The following GPATCH1 variants were observed in gnomAD, a reference collection of about 807,000 sequenced individuals.
GPATCH1 encodes the protein G-patch domain containing 1.
A neutral mutation model predicts 114.9 loss-of-function variants in GPATCH1; 73 were observed. The ratio of observed to expected loss-of-function variants is 0.64; its 90% CI spans 0.53 to 0.77. The LOEUF (loss-of-function observed/expected upper bound fraction) is 0.77. Among genes scored for constraint, GPATCH1 ranks in the 30% least tolerant of loss-of-function variants. The pLI, the probability that GPATCH1 is intolerant of heterozygous loss-of-function variation, is 0.00. For synonymous variants in GPATCH1, 391 were observed against 428.4 expected, an observed-to-expected ratio of 0.91 and a Z score of 1.08; for missense variants, 1,058 against 1,144.3, an observed-to-expected ratio of 0.92 and a Z score of 1.09.
chr19:33,119,825 C>T (rs2145336309), intron 17 of GPATCH1, among the ~76,000 whole-genome samples: 1 of 150,462 alleles, frequency 6.6e-6, no homozygotes, highest in Non-Finnish European at 1.5e-5. Context: ...TTTGAGACCA[C>T]CCTGGTGAAT....
In GPATCH1 at chr19:33,096,429, T is replaced by C. The variant is rs543161053; in HGVS notation, c.835T>C (p.Leu279=). The C allele has an allele frequency of 3.4e-5, 55 of 1,610,824 alleles. 1 individual carries two copies. The highest frequency in any genetic ancestry group is 3.1e-4 in the South Asian group (28 of 90,062). ...GEIGLNKGRK[L]GISGQAFGVG... ...AATTGGACTGAATAAAGGAAGAAAA[T>C]TGGGAATTTCAGGCCAGGTAAAATT... The change falls in exon 7 of 20, where the codon TTG becomes CTG. Residue 279 remains leucine (L), a synonymous_variant. Transcript: ENST00000170564.
intron 5 of GPATCH1, 142 bp from the exon 6 acceptor site, chr19:33,095,620 T>TCAAG: frequency 1.5e-6 from 1 of 672,516 alleles, no homozygotes; most frequent in Non-Finnish European, 2.7e-6. Context: ...CAGGCTGGTC[T>TCAAG]TGAACTCCTG....
At chr19:33,106,232 A>G (rs1238165423) in intron 9 of GPATCH1, among the ~76,000 whole-genome samples, 2 of 151,726 alleles carry the variant, frequency 1.3e-5, no homozygotes, top group South Asian at 2.1e-4. Context: ...ATGAACTCCC[A>G]GGCTCAAGCA....
Position 33,126,692 on chromosome 19 carries a change from C to T in GPATCH1, c.2724C>T (p.Asp908=), listed in dbSNP as rs138257578. The T allele has an allele frequency of 1.2e-4, 201 of 1,613,830 alleles. 2 individuals carry two copies. The highest frequency in any genetic ancestry group is 1.0e-3 in the East Asian group (45 of 44,884). Residue 908 remains aspartate, a synonymous_variant, in exon 19 of 20, where the codon GAC becomes GAT. Coordinates refer to ENST00000170564, the MANE Select transcript of GPATCH1 (RefSeq NM_018025.3). ...ESSDSSDSQS[D]EETADVSPQE... ...CCGACAGCAGCGACAGCCAGAGTGA[C>T]GAGGAAACCGCAGACGTGTCGCCCC... is the stretch of plus-strand genomic sequence containing the variant.
At chr19:33,097,616 G>A (rs1599855032) in intron 7 of GPATCH1, 139 bp from the exon 8 acceptor site, 1 of 746,612 alleles carries the variant, frequency 1.3e-6, no homozygotes, top group South Asian at 1.7e-5. Flanking sequence ...GGTCGATCTG[G>A]GACCCCCGTT....
At chr19:33,099,389 C>T (rs1270278613) in intron 8 of GPATCH1, among the ~76,000 whole-genome samples, 2 of 151,822 alleles carry the variant, frequency 1.3e-5, no homozygotes, top group Non-Finnish European at 2.9e-5. Context: ...ACTTTTCCCT[C>T]GTGCACCAGC....
rs35388450 is a variant in GPATCH1 at position 33,122,326 on chromosome 19, CTT to C, written c.2522-2764_2522-2763del. ...GCCTGGTTGTTCGGCCCTTTAGTTT[CTT>C]TTTTTTTTTTTTTTGAGACGGAGTC... On this transcript the variant is annotated intron_variant, in intron 17 of 19. Coordinates refer to ENST00000170564, the MANE Select transcript of GPATCH1 (RefSeq NM_018025.3). 6.4e-3 allele frequency among the ~76,000 whole-genome samples: 744 copies of C among 116,090 alleles called. 8 individuals carry two copies. The highest frequency in any genetic ancestry group is 0.022 in the African/African-American group (658 of 29,988). 76.2% of individuals were successfully genotyped at this position (116,090 alleles called of 152,430 possible). A position where few individuals can be genotyped will look rare whatever the true frequency, so the allele number is the denominator to read the frequency against.
intron 8 of GPATCH1, among the ~76,000 whole-genome samples, chr19:33,101,246 G>A (rs1277805443): frequency 2.0e-5 from 3 of 152,154 alleles, no homozygotes; most frequent in African/African-American, 7.2e-5. Flanking sequence ...TGTCTTGGAG[G>A]ACCACAGCCT....
chr19:33,094,374 G>A, intron 5 of GPATCH1, 105 bp downstream of exon 5: 2 of 665,316 alleles, frequency 3.0e-6, no homozygotes, highest in South Asian at 1.7e-5. Context: ...GCAGTGGTGC[G>A]ATCCCGGCAT....
intron 19 of GPATCH1, among the ~76,000 whole-genome samples, chr19:33,129,253 A>G (rs1973077070): frequency 6.6e-6 from 1 of 151,922 alleles, no homozygotes; most frequent in Non-Finnish European, 1.5e-5. Flanking sequence ...AAAAAAAAAA[A>G]AAGAAAAGAA....
chr19:33,088,183 T>C lies in GPATCH1; in HGVS notation c.123T>C (p.Asp41=). The C allele has an allele frequency of 6.3e-7, 1 of 1,598,864 alleles. No individual in the cohort carries two copies. The highest frequency in any genetic ancestry group is 8.5e-7 in the Non-Finnish European group (1 of 1,169,782). Residue 41 remains aspartate (D), a synonymous_variant, in exon 2 of 20, where the codon GAT becomes GAC. Coordinates refer to ENST00000170564, the MANE Select transcript of GPATCH1 (RefSeq NM_018025.3). ...PIPLQDQTVR[D]EKGRYKRFHG... is the part of the protein sequence containing the mutation. ...CTCTTCAGGATCAGACTGTCAGAGA[T>C]GAAAAAGGAAGGTATAAACGATTCC...
intron 9 of GPATCH1, among the ~76,000 whole-genome samples, chr19:33,104,033 A>C (rs1972755466): frequency 6.6e-6 from 1 of 152,086 alleles, no homozygotes; most frequent in Non-Finnish European, 1.5e-5. Context: ...ACAGAGAGAA[A>C]TACTTTCAAT....
At chr19:33,109,243 G>A (rs141562049) in intron 10 of GPATCH1, among the ~76,000 whole-genome samples, 120 of 151,796 alleles carry the variant, frequency 7.9e-4, no homozygotes, top group African/African-American at 2.5e-3. Context: ...TTGGCCAGGC[G>A]TGGTGGCTCA....
intron 17 of GPATCH1, among the ~76,000 whole-genome samples, chr19:33,122,986 T>C (rs1408664114): frequency 6.6e-6 from 1 of 151,688 alleles, no homozygotes; most frequent in African/African-American, 2.4e-5. Flanking sequence ...GTGGGAGGAT[T>C]GCTTGAGCTC....
At chr19:33,125,267 T>C in intron 18 of GPATCH1, 65 bp downstream of exon 18, 1 of 1,524,072 alleles carries the variant, frequency 6.6e-7, no homozygotes, top group Non-Finnish European at 8.8e-7. Flanking sequence ...CCCCCAGGAG[T>C]GTCATATACT....
Position 33,126,646 on chromosome 19 carries a change from A to T in GPATCH1, c.2678A>T (p.Lys893Ile). ...KGKQKNKKPEKSSSSESSDSS... is the reference protein window; with the variant it reads ...KGKQKNKKPEISSSSESSDSS... ...AAGCAAAAGAATAAAAAACCAGAGA[A>T]AAGTAGTAGCTCCGAGAGTTCCGAC... Residue 893 changes from lysine (K) to isoleucine (I), a missense_variant, in exon 19 of 20, where the codon AAA (lysine) becomes ATA (isoleucine). Physicochemically the swap from Lys to Ile is moderately radical, Grantham distance 102. Transcript: ENST00000170564. The T allele has an allele frequency of 5.0e-6, 8 of 1,614,078 alleles. No homozygotes were observed. Among genetic ancestry groups the T allele is most frequent in the Non-Finnish European group, 6.8e-6 (8 of 1,179,992 alleles).
chr19:33,096,540 T>C (rs1328529750), intron 7 of GPATCH1, 94 bp downstream of exon 7: 15 of 1,046,824 alleles, frequency 1.4e-5, no homozygotes, highest in Non-Finnish European at 2.0e-5. Context: ...ATTTTCTTTT[T>C]TTTTCCCCCT....
At chr19:33,124,006 A>G (rs1973013540) in intron 17 of GPATCH1, among the ~76,000 whole-genome samples, 1 of 151,970 alleles carries the variant, frequency 6.6e-6, no homozygotes, top group African/African-American at 2.4e-5. Context: ...GATGCATGCC[A>G]CCACGCCCAT....
At chr19:33,087,007 C>T (rs752657611) in intron 1 of GPATCH1, among the ~76,000 whole-genome samples, 5 of 152,058 alleles carry the variant, frequency 3.3e-5, no homozygotes, top group African/African-American at 4.8e-5. Flanking sequence ...TTGTGTCTCC[C>T]TCTTCTTGTT....
Sources: gnomAD v4.1 joint callset for allele counts (sites outside exome capture counted in the v4.1 genomes callset) on GRCh38, gnomAD v4.1.1 for gene constraint, MANE v1.5 for transcripts, NCBI Gene and HGNC (gene_info 2026-07-23, HGNC 2026-07-21) for gene names.